Variants in FAM20B observed in about 807,000 individuals in gnomAD.
FAM20B encodes the protein glycosaminoglycan xylosylkinase.
FAM20B carries 23 observed loss-of-function variants against 43.8 expected under a neutral mutation model. The observed-to-expected ratio is 0.53, with a 90% CI of 0.38 to 0.74. The LOEUF (loss-of-function observed/expected upper bound fraction) is 0.74, where lower values mean the gene tolerates loss of function less well. Among genes scored for constraint, FAM20B ranks in the 30% least tolerant of loss-of-function variants. The pLI is 0.00. For synonymous variants in FAM20B, 178 were observed against 192.4 expected, an observed-to-expected ratio of 0.93 and a Z score of 0.62; for missense variants, 440 against 510.5, an observed-to-expected ratio of 0.86 and a Z score of 1.33.
At chr1:179,063,759 G>A (rs1380940804) in intron 4 of FAM20B, among the ~76,000 whole-genome samples, 168 bp from the exon 5 acceptor site, 1 of 152,128 alleles carries the variant, frequency 6.6e-6, no homozygotes, top group African/African-American at 2.4e-5. Flanking sequence ...TACACCGTGT[G>A]CTTTTTTATT....
rs372120852 is a variant in FAM20B, at chr1:179,030,744, C to T, written c.-134+4646C>T. Reference sequence around the variant, plus strand: ...AGGTCTTTCTCCTTTGCCCTTCTCTCCTTTTATTCCACAAACACTTATCAG... The same window carrying T: ...AGGTCTTTCTCCTTTGCCCTTCTCTTCTTTTATTCCACAAACACTTATCAG... On this transcript the variant is annotated intron_variant, in intron 1 of 7. Coordinates refer to ENST00000263733, the MANE Select transcript of FAM20B (RefSeq NM_014864.4). Among the ~76,000 whole-genome samples the T allele has an allele frequency of 1.2e-4, 19 of 152,148 alleles. 2 individuals are homozygous for T. The East Asian group carries it at 2.5e-3, about 20-fold the overall frequency.
At chr1:179,039,984 A>G (rs1190459357) in intron 1 of FAM20B, among the ~76,000 whole-genome samples, 4 of 152,192 alleles carry the variant, frequency 2.6e-5, no homozygotes, top group African/African-American at 4.8e-5. Flanking sequence ...CACATCTTGC[A>G]CCGCCCTTAA....
chr1:179,065,694 C>T (rs1269948283), intron 6 of FAM20B, among the ~76,000 whole-genome samples: 1 of 152,182 alleles, frequency 6.6e-6, no homozygotes, highest in Admixed American at 6.5e-5. Flanking sequence ...CCCATTACAG[C>T]AAAGCACATA....
intron 2 of FAM20B, among the ~76,000 whole-genome samples, chr1:179,045,988 T>C (rs1650752729): frequency 6.6e-6 from 1 of 152,148 alleles, no homozygotes; most frequent in African/African-American, 2.4e-5. Flanking sequence ...TTACACTAAG[T>C]ACTTTTGTAT....
In FAM20B at chr1:179,064,094, G is replaced by C. The variant is rs757839768; in HGVS notation, c.742G>C (p.Ala248Pro). The C allele has an allele frequency of 3.7e-6, 6 of 1,608,836 alleles. No homozygotes were observed. The highest frequency in any genetic ancestry group is 5.1e-6 in the Non-Finnish European group (6 of 1,177,950). Residue 248 changes from alanine (A) to proline (P), a missense_variant, in exon 5 of 8, where the codon GCC (alanine) becomes CCC (proline). Coordinates refer to ENST00000263733, the MANE Select transcript of FAM20B (RefSeq NM_014864.4). ...CAGGACTTACCGAGAAGGCAAATTG[G>C]CCAGGTAAATGCTCCTATGAGCCAT... ...WGRTYREGKL[A>P]RWEYDESYCD... is the part of the protein sequence containing the mutation.
chr1:179,063,932 A>G lies in FAM20B; in HGVS notation c.580A>G (p.Asn194Asp), dbSNP rs1488380457. 3 of 1,604,796 alleles carry G rather than the reference A, an allele frequency of 1.9e-6. No homozygotes were observed. In the African/African-American group the frequency reaches 4.0e-5, roughly 22 times the overall value. Residue 194 changes from asparagine (N) to aspartate (D), a missense_variant, in exon 5 of 8, where the codon AAT (asparagine) becomes GAT (aspartate). Coordinates refer to ENST00000263733, the MANE Select transcript of FAM20B (RefSeq NM_014864.4). ...LLSTFLTVGN[N>D]TCFYGKCYYC... is the part of the protein sequence containing the mutation. The stretch of plus-strand genomic sequence containing the variant: ...GGCTCCTTTCTGTCCTTTAGGAAAC[A>G]ATACTTGTTTTTATGGGAAGTGCTA...
chr1:179,061,508 A>G (rs1466609512), intron 4 of FAM20B, among the ~76,000 whole-genome samples: 8 of 152,010 alleles, frequency 5.3e-5, no homozygotes, highest in Non-Finnish European at 1.0e-4. Flanking sequence ...GTCTCAAGCA[A>G]TCCTCCTACC....
chr1:179,068,377 G>A (rs1296996059), intron 7 of FAM20B, among the ~76,000 whole-genome samples: 2 of 152,134 alleles, frequency 1.3e-5, no homozygotes, highest in Non-Finnish European at 2.9e-5. Flanking sequence ...AGTTTTATCA[G>A]TCTGGTTCAA....
At chr1:179,037,115 A>C (rs1320828297) in intron 1 of FAM20B, among the ~76,000 whole-genome samples, 1 of 152,222 alleles carries the variant, frequency 6.6e-6, no homozygotes, top group Non-Finnish European at 1.5e-5. Flanking sequence ...TTGCCAAGGA[A>C]TCTAGAATCA....
intron 2 of FAM20B, 28 bp from the exon 3 acceptor site, chr1:179,050,251 A>G (rs1271941717): frequency 1.3e-6 from 2 of 1,517,482 alleles, no homozygotes; most frequent in East Asian, 2.3e-5. Flanking sequence ...ATCCACGTAT[A>G]CATCTGTGCT....
At chr1:179,065,772 C>T (rs1037936459) in intron 6 of FAM20B, among the ~76,000 whole-genome samples, 5 of 152,190 alleles carry the variant, frequency 3.3e-5, no homozygotes, top group East Asian at 1.9e-4. Context: ...TTTGTCCACT[C>T]GGGCCGCTAT....
At chr1:179,019,476 T>G in the FAM20B span, among the ~76,000 whole-genome samples, 1 of 151,908 alleles carries the variant, frequency 6.6e-6, no homozygotes, top group African/African-American at 2.4e-5. Context: ...TCTTTTTTTT[T>G]TTTGAGATGG....
intron 1 of FAM20B, among the ~76,000 whole-genome samples, chr1:179,039,458 G>T (rs1038918517): frequency 3.3e-5 from 5 of 152,188 alleles, no homozygotes; most frequent in Admixed American, 2.0e-4. Context: ...TGCTGCCATA[G>T]TACCAGGCTT....
intron 1 of FAM20B, among the ~76,000 whole-genome samples, chr1:179,031,517 C>T (rs960081970): frequency 5.9e-5 from 9 of 152,058 alleles, no homozygotes; most frequent in African/African-American, 2.2e-4. Flanking sequence ...CAGTTATTGC[C>T]TATTTCATTT....
intron 6 of FAM20B, among the ~76,000 whole-genome samples, chr1:179,065,409 T>G (rs1651648014): frequency 6.6e-6 from 1 of 152,196 alleles, no homozygotes; most frequent in Non-Finnish European, 1.5e-5. Flanking sequence ...AGTGCTGGGA[T>G]TACAGGTGTA....
Position 179,063,059 on chromosome 1 carries a change from C to CT in FAM20B, c.575-867dup, listed in dbSNP as rs1256619191. 2.6e-5 allele frequency among the ~76,000 whole-genome samples: 4 copies of CT among 152,146 alleles called. No homozygotes were observed. The East Asian group carries it at 7.8e-4, about 30-fold the overall frequency. The stretch of plus-strand genomic sequence containing the variant: ...TGGGAGGCTGAGGTGGGCGGATCAC[C>CT]TGAGGTCAGGAGTTTTGAGACCAGC... On this transcript the variant is annotated intron_variant, in intron 4 of 7. Coordinates refer to ENST00000263733, the MANE Select transcript of FAM20B (RefSeq NM_014864.4).
At chr1:179,042,180 A>G (rs986697102) in intron 1 of FAM20B, among the ~76,000 whole-genome samples, 5 of 152,176 alleles carry the variant, frequency 3.3e-5, no homozygotes, top group Admixed American at 6.5e-5. Context: ...GGCCGTGCTC[A>G]GCTCGTACTA....
At chr1:179,056,287 A>G (rs1651217256) in intron 4 of FAM20B, among the ~76,000 whole-genome samples, 1 of 152,198 alleles carries the variant, frequency 6.6e-6, no homozygotes, top group East Asian at 1.9e-4. Context: ...TGTTCCACCT[A>G]TTCATCATTC....
rs1245304079 is a variant in FAM20B, at chr1:179,044,224, G to T, written c.377G>T (p.Arg126Leu). ...CAGAAAGTTGTTTTCAAACCTAAGC[G>T]GTAAGTTTTGATCTTGGAAGCTGCA... ...GGQKVVFKPK[R>L]YSRDHVVEGE... is the part of the protein sequence containing the mutation. Residue 126 changes from arginine (R) to leucine (L), a missense_variant and splice_region_variant, in exon 2 of 8, where the codon CGG becomes CTG. Physicochemically the swap from Arg to Leu is moderately radical, Grantham distance 102 (BLOSUM62 -2). Transcript: ENST00000263733. 1 of 1,597,628 alleles carries T rather than the reference G, an allele frequency of 6.3e-7. No individual in the cohort carries two copies. Among genetic ancestry groups the T allele is most frequent in the Non-Finnish European group, 8.5e-7 (1 of 1,170,346 alleles).
Sources: gnomAD v4.1 joint callset for allele counts (sites outside exome capture counted in the v4.1 genomes callset) on GRCh38, gnomAD v4.1.1 for gene constraint, MANE v1.5 for transcripts, NCBI Gene and HGNC (gene_info 2026-07-23, HGNC 2026-07-21) for gene names.